CENPP: variants seen among roughly 807,000 people sequenced by gnomAD.
The protein encoded by CENPP is centromere protein P.
A neutral mutation model predicts 35.6 loss-of-function variants in CENPP; 24 were observed. The ratio of observed to expected loss-of-function variants is 0.67; its 90% confidence interval spans 0.49 to 0.95. CENPP has a LOEUF of 0.95. Among genes scored for constraint, CENPP ranks in the 40% least tolerant of loss-of-function variants. The probability of loss-of-function intolerance (pLI) is 0.00; values close to 1 mark genes in which losing one functional copy is unlikely to be tolerated. For synonymous variants in CENPP, 120 were observed against 125.5 expected, an observed-to-expected ratio of 0.96 and a Z score of 0.29; for missense variants, 332 against 345.3, an observed-to-expected ratio of 0.96 and a Z score of 0.31.
chr9:92,389,887 G>T (rs1588085274), intron 5 of CENPP: 1 of 1,612,468 alleles, frequency 6.2e-7, no homozygotes, highest in Non-Finnish European at 8.5e-7. Context: ...CCCTACTCTT[G>T]ATTTTGTTGT....
At chr9:92,471,664 CTTT>C (rs569488274) in intron 5 of CENPP, among the ~76,000 whole-genome samples, 8 of 135,710 alleles carry the variant, frequency 5.9e-5, no homozygotes, top group Admixed American at 7.4e-5. Context: ...ATATATTATT[CTTT>C]TTTTTTTTTT....
intron 5 of CENPP, chr9:92,459,641 T>C: frequency 6.2e-7 from 1 of 1,612,620 alleles, no homozygotes; most frequent in South Asian, 1.1e-5. Flanking sequence ...CCTGGAGGTA[T>C]TTCAACTCTG....
At chr9:92,387,281 C>G (rs1281229324) in intron 5 of CENPP, among the ~76,000 whole-genome samples, 1 of 151,052 alleles carries the variant, frequency 6.6e-6, no homozygotes, top group African/African-American at 2.4e-5. Flanking sequence ...CTGAGTGAGG[C>G]AGGAGAATTG....
chr9:92,562,176 T>C (rs941119818), intron 5 of CENPP, among the ~76,000 whole-genome samples: 1 of 152,056 alleles, frequency 6.6e-6, no homozygotes, highest in Non-Finnish European at 1.5e-5. Flanking sequence ...CACATTTCCC[T>C]TCTGGAACTC....
chr9:92,571,002 A>C (rs1483286203), intron 5 of CENPP, among the ~76,000 whole-genome samples: 1 of 151,732 alleles, frequency 6.6e-6, no homozygotes, highest in Non-Finnish European at 1.5e-5. Flanking sequence ...GCAGTCTATC[A>C]ATTTTGTTGA....
At chr9:92,501,456 G>GT (rs904923208) in intron 5 of CENPP, among the ~76,000 whole-genome samples, 4 of 152,352 alleles carry the variant, frequency 2.6e-5, no homozygotes, top group Non-Finnish European at 5.9e-5. Flanking sequence ...CAGCAAGGAA[G>GT]TTTGGTTTGT....
intron 5 of CENPP, among the ~76,000 whole-genome samples, chr9:92,540,199 G>A (rs561319768): frequency 6.6e-6 from 1 of 152,312 alleles, no homozygotes; most frequent in East Asian, 1.9e-4. Flanking sequence ...TGCACTTCGG[G>A]AGGCCGAAGC....
intron 3 of CENPP, among the ~76,000 whole-genome samples, chr9:92,340,781 T>C (rs545062962): frequency 6.6e-6 from 1 of 152,220 alleles, no homozygotes; most frequent in African/African-American, 2.4e-5. Flanking sequence ...GTATATCACC[T>C]CAGGACCCTG....
intron 5 of CENPP, among the ~76,000 whole-genome samples, chr9:92,538,471 G>T (rs1849241472): frequency 6.6e-6 from 1 of 152,206 alleles, no homozygotes; most frequent in Non-Finnish European, 1.5e-5. Flanking sequence ...TGTATAATCA[G>T]ATAAGAATAA....
rs10992323 is a variant in CENPP, at chr9:92,397,576, C to T, written c.564+17717C>T. Among the ~76,000 whole-genome samples, 50 of 152,266 alleles carry T rather than the reference C, an allele frequency of 3.3e-4. No individual in the cohort carries two copies. In the East Asian group the frequency reaches 7.9e-3, roughly 24 times the overall value. On this transcript the variant is annotated intron_variant, in intron 5 of 7. Transcript: ENST00000375587. ...AATTCCTAACTTCAGGTGGTCCACC[C>T]GCCTTGGCCTCCCAGAGTGCTGATA...
upstream of CENPP, chr9:92,325,820 G>A (rs1178213104): frequency 3.4e-5 from 19 of 555,492 alleles, no homozygotes; most frequent in Non-Finnish European, 1.3e-5. Flanking sequence ...AGGCTCTCGT[G>A]CGAGAGCGGA....
intron 5 of CENPP, among the ~76,000 whole-genome samples, chr9:92,504,169 C>T (rs1846852402): frequency 6.6e-6 from 1 of 151,960 alleles, no homozygotes; most frequent in African/African-American, 2.4e-5. Flanking sequence ...ATTTCTGGCC[C>T]TGTCCCACAA....
In CENPP at chr9:92,618,405, A is replaced by C. The variant is rs1275378470; in HGVS notation, c.*5256A>C. 2.2e-6 allele frequency: 1 copy of C among 456,650 alleles called. No individual in the cohort carries two copies. 28.3% of individuals were successfully genotyped at this position (456,650 alleles called of 1,614,324 possible). On this transcript the variant is annotated 3_prime_UTR_variant, in exon 8 of 8. Transcript: ENST00000375587. The stretch of plus-strand genomic sequence containing the variant: ...TCCAATTTGACATCACTGACCAGGC[A>C]CTAAGAGATTCCCAGGTGCTAGACG...
Position 92,619,677 on chromosome 9 carries a change from A to G in CENPP, c.*6528A>G. The G allele has an allele frequency of 3.0e-6, 3 of 1,006,632 alleles. No homozygotes were observed. Among genetic ancestry groups the G allele is most frequent in the South Asian group, 2.8e-5 (2 of 71,628 alleles). The allele number at this position is 1,006,632 out of a possible 1,614,324, so 62.4% of individuals were successfully genotyped here. On this transcript the variant is annotated 3_prime_UTR_variant, in exon 8 of 8. Coordinates refer to ENST00000375587, the MANE Select transcript of CENPP (RefSeq NM_001012267.3). ...GAACTGCTTCCTGCCTCAGAACCTG[A>G]GGGTGGGATTAGGAGCGAGGGCCAC...
Position 92,379,865 on chromosome 9 carries a change from G to A in CENPP, c.564+6G>A. The A allele has an allele frequency of 6.4e-7, 1 of 1,567,424 alleles. No homozygotes were observed. ...GCACGTTTAAACATCTCAAGGTAAA[G>A]TCTGAAGTCTTTGAATTTAAACATA... is the stretch of plus-strand genomic sequence containing the variant. On this transcript the variant is annotated splice_donor_region_variant and intron_variant, in intron 5 of 7. Transcript: ENST00000375587.
chr9:92,558,423 C>G (rs1247126168), intron 5 of CENPP, among the ~76,000 whole-genome samples: 1 of 152,180 alleles, frequency 6.6e-6, no homozygotes, highest in Non-Finnish European at 1.5e-5. Flanking sequence ...CTGGGCCTAG[C>G]CACCCAGTGA....
intron 5 of CENPP, among the ~76,000 whole-genome samples, chr9:92,550,254 G>T (rs968755144): frequency 6.6e-6 from 1 of 152,102 alleles, no homozygotes; most frequent in Non-Finnish European, 1.5e-5. Context: ...AAATTAGCTG[G>T]GTGTGGTGGT....
intron 5 of CENPP, among the ~76,000 whole-genome samples, chr9:92,572,136 G>C (rs1329836174): frequency 6.6e-6 from 1 of 152,102 alleles, no homozygotes; most frequent in East Asian, 1.9e-4. Context: ...TCATTATGAT[G>C]TTAGCTGGTT....
chr9:92,389,950 T>C (rs1254263807), intron 5 of CENPP: 2 of 1,611,840 alleles, frequency 1.2e-6, no homozygotes, highest in Admixed American at 1.7e-5. Context: ...GTTTTAGTAG[T>C]TGATTTTCAG....
Sources: allele counts gnomAD v4.1 joint callset (sites outside exome capture counted in the v4.1 genomes callset), GRCh38; gene constraint gnomAD v4.1.1; transcripts MANE v1.5; gene names NCBI Gene and HGNC (gene_info 2026-07-23, HGNC 2026-07-21).